The following HSPG2 variants were observed in gnomAD, a reference collection of about 807,000 sequenced individuals.
The protein encoded by HSPG2 is heparan sulfate proteoglycan 2, also known as basement membrane-specific heparan sulfate proteoglycan core protein.
Under a neutral mutation model 526.6 loss-of-function variants are expected in HSPG2, and 278 were observed. The observed-to-expected ratio is 0.53, with a 90% CI of 0.48 to 0.58. The LOEUF (loss-of-function observed/expected upper bound fraction) is 0.58, where lower values mean the gene tolerates loss of function less well. Ranked by LOEUF, HSPG2 falls within the 20% of genes least tolerant of loss-of-function variation. HSPG2 has a pLI of 0.00. For synonymous variants in HSPG2, 2,465 were observed against 2,555.4 expected (o/e 0.96, Z 1.07); for missense variants, 5,354 against 6,099.5 (o/e 0.88, Z 4.07).
In HSPG2 at chr1:21,848,836, G is replaced by C; in HGVS notation, c.7586-42C>G. 1.2e-6 allele frequency: 2 copies of C among 1,613,180 alleles called. No individual in the cohort carries two copies. Among genetic ancestry groups the C allele is most frequent in the African/African-American group, 2.7e-5 (2 of 74,992 alleles). ...TAAGGCAGGGTGTGGGAGCTGCTGA[G>C]GGTGCAGTCGGGGTCCCCCAGCCCT... is the stretch of plus-strand genomic sequence containing the variant. On this transcript the variant is annotated intron_variant, in intron 58 of 96. Coordinates refer to ENST00000374695, the MANE Select transcript of HSPG2 (RefSeq NM_005529.7). This position sits in a 1 kb window ranked among gnomAD's most constrained non-coding sequence, Gnocchi z 4.9.
chr1:21,894,210 T>TGAGCCAGGGAGCCACAGCC (rs1553174672), intron 3 of HSPG2, among the ~76,000 whole-genome samples: 1 of 151,512 alleles, frequency 6.6e-6, no homozygotes, highest in African/African-American at 2.4e-5. Flanking sequence ...GGGCTGGAGC[T>TGAGCCAGGGAGCCACAGCC]GAGCCAGGGA....
In HSPG2 at chr1:21,824,078, A is replaced by C. The variant is rs752464071; in HGVS notation, c.12899+43T>G. 35 of 1,563,540 alleles carry C rather than the reference A, an allele frequency of 2.2e-5. No homozygotes were observed. Among genetic ancestry groups the C allele is most frequent in the Non-Finnish European group, 3.1e-5 (35 of 1,141,518 alleles). ...GGTAGGGGGCGTCCTGCCCCACTCC[A>C]GAACGCTGGGCCCCATCCCGAGTGC... is the stretch of plus-strand genomic sequence containing the variant. On this transcript the variant is annotated intron_variant, in intron 95 of 96. Coordinates refer to ENST00000374695, the MANE Select transcript of HSPG2 (RefSeq NM_005529.7). The surrounding 1 kb of genome is among the most constrained non-coding windows in gnomAD (Gnocchi z 5.9).
intron 1 of HSPG2, chr1:21,908,428 G>A (rs1387671317): frequency 1.1e-6 from 1 of 870,416 alleles, no homozygotes; most frequent in Non-Finnish European, 1.9e-6. Context: ...ACGCGTGAAG[G>A]AGAATGATCA....
Position 21,859,070 on chromosome 1 carries a change from CAG to C in HSPG2, c.5293+494_5293+495del, listed in dbSNP as rs1639565723. Among the ~76,000 whole-genome samples, 1 of 151,994 alleles carries C rather than the reference CAG, an allele frequency of 6.6e-6. No homozygotes were observed. On this transcript the variant is annotated intron_variant, in intron 42 of 96. Transcript: ENST00000374695. This position sits in a 1 kb window ranked among gnomAD's most constrained non-coding sequence, Gnocchi z 5.3. ...CATTATTATTATTATTTTTTTAAGACAGAGTCTTGCTCTGTTGCCCAGGCTGG... is the reference window on the plus strand; with the variant it reads ...CATTATTATTATTATTTTTTTAAGACAGTCTTGCTCTGTTGCCCAGGCTGG...
intron 1 of HSPG2, among the ~76,000 whole-genome samples, chr1:21,927,839 G>A (rs1644246411): frequency 1.3e-5 from 2 of 152,238 alleles, no homozygotes; most frequent in African/African-American, 4.8e-5. Flanking sequence ...GACTGCGAAA[G>A]AGGCCCAGGG....
chr1:21,854,725 T>A lies in HSPG2; in HGVS notation c.6174A>T (p.Ser2058=), dbSNP rs753974501. ...TTTGCCCTTCTGTCACAGAAGGCGA[T>A]GAGGACTCAATCTTGACCGGCGGTG... The part of the protein sequence containing the change: ...ASPPPVKIES[S]SPSVTEGQTL... Residue 2058 remains serine (S), a synonymous_variant, in exon 49 of 97, where the codon TCA becomes TCT. Transcript: ENST00000374695. 6.2e-7 allele frequency: 1 copy of A among 1,613,516 alleles called. No individual in the cohort carries two copies. Among genetic ancestry groups the A allele is most frequent in the Non-Finnish European group, 8.5e-7 (1 of 1,179,854 alleles).
rs1643145864 is a variant in HSPG2 at position 21,902,309 on chromosome 1, G to A, written c.64-5999C>T. Among the ~76,000 whole-genome samples the A allele has an allele frequency of 2.0e-5, 3 of 152,270 alleles. No homozygotes were observed. The South Asian group carries it at 6.2e-4, about 32-fold the overall frequency. On this transcript the variant is annotated intron_variant, in intron 1 of 96. Transcript: ENST00000374695. ...AGCTTCTCACACAGGGGCCCCCAAG[G>A]TGGCAGGAACTTCACCAGCCAGTCA...
Position 21,871,834 on chromosome 1 carries a change from C to T in HSPG2, c.4221+352G>A, listed in dbSNP as rs12567127. Among the ~76,000 whole-genome samples, 4 of 152,314 alleles carry T rather than the reference C, an allele frequency of 2.6e-5. No homozygotes were observed. In the East Asian group the frequency reaches 5.8e-4, roughly 22 times the overall value. On this transcript the variant is annotated intron_variant, in intron 33 of 96. Coordinates refer to ENST00000374695, the MANE Select transcript of HSPG2 (RefSeq NM_005529.7). ...TGGATGAGTGAAGTCGGAGCGGGCA[C>T]GTGAATGACACTGAAACTGTGTCTC...
At position 21,887,891 on chromosome 1, in the gene HSPG2, C is replaced by T. The variant is rs1015067907; in HGVS notation, c.703+47G>A. ...CCAAGACCCAGGTGTAGGACCCTGGCCCTCCCCTGGCACCCAAACCACTCG... is the reference window on the plus strand; with the variant it reads ...CCAAGACCCAGGTGTAGGACCCTGGTCCTCCCCTGGCACCCAAACCACTCG... On this transcript the variant is annotated intron_variant, in intron 7 of 96. Transcript: ENST00000374695. The surrounding 1 kb of genome is among the most constrained non-coding windows in gnomAD (Gnocchi z 5.0). The T allele has an allele frequency of 6.2e-7, 1 of 1,613,236 alleles. No individual in the cohort carries two copies. Among genetic ancestry groups the T allele is most frequent in the Admixed American group, 1.7e-5 (1 of 60,002 alleles).
At position 21,887,458 on chromosome 1, in the gene HSPG2, T is replaced by G. The variant is rs1272760299; in HGVS notation, c.920A>C (p.Gln307Pro). Residue 307 changes from glutamine (Q) to proline (P), a missense_variant, in exon 8 of 97, where the codon CAG becomes CCG. Physicochemically the swap from Gln to Pro is moderately conservative, Grantham distance 76 (BLOSUM62 -1). Coordinates refer to ENST00000374695, the MANE Select transcript of HSPG2 (RefSeq NM_005529.7). This position sits in a 1 kb window ranked among gnomAD's most constrained non-coding sequence, Gnocchi z 5.0. The stretch of plus-strand genomic sequence containing the variant: ...ATCGCTGCCGTCCTCGCAGTCCTCC[T>G]GTCCGTCGCAGAGGTAGTCTCTGGG... ...CIPRDYLCDG[Q>P]EDCEDGSDEL... is the part of the protein sequence containing the mutation. 12 of 1,613,932 alleles carry G rather than the reference T, an allele frequency of 7.4e-6. No individual in the cohort carries two copies. Among genetic ancestry groups the G allele is most frequent in the Non-Finnish European group, 1.0e-5 (12 of 1,180,014 alleles).
intron 95 of HSPG2, 137 bp from the exon 96 acceptor site, chr1:21,823,856 C>T (rs759348933): frequency 3.4e-5 from 27 of 788,392 alleles, no homozygotes; most frequent in East Asian, 5.3e-5. Context: ...TTCTTTCCCC[C>T]GCTGAACGAG....
Position 21,851,901 on chromosome 1 carries a change from A to T in HSPG2, c.6896T>A (p.Phe2299Tyr). The change falls in exon 54 of 97, where the codon TTC (phenylalanine) becomes TAC (tyrosine). Residue 2299 changes from phenylalanine (F) to tyrosine (Y), a missense_variant. By Grantham distance (22) the Phe-to-Tyr change is conservative. Coordinates refer to ENST00000374695, the MANE Select transcript of HSPG2 (RefSeq NM_005529.7). ...TCCCGCATCGGCAGGTGAGGCCTGGAAGATGTACAGGCGGGAGCCACGAAC... is the reference window on the plus strand; with the variant it reads ...TCCCGCATCGGCAGGTGAGGCCTGGTAGATGTACAGGCGGGAGCCACGAAC... ...HQVRGSRLYI[F>Y]QASPADAGQY... The T allele has an allele frequency of 6.2e-7, 1 of 1,610,112 alleles. No individual in the cohort carries two copies. Among genetic ancestry groups the T allele is most frequent in the Non-Finnish European group, 8.5e-7 (1 of 1,178,770 alleles).
At position 21,878,966 on chromosome 1, in the gene HSPG2, C is replaced by G. The variant is rs775962936; in HGVS notation, c.2471+28G>C. 3.7e-6 allele frequency: 6 copies of G among 1,604,182 alleles called. No homozygotes were observed. In the Admixed American group the frequency reaches 8.5e-5, roughly 23 times the overall value. On this transcript the variant is annotated intron_variant, in intron 18 of 96. Coordinates refer to ENST00000374695, the MANE Select transcript of HSPG2 (RefSeq NM_005529.7). ...GCCTGTTGCACTGTCCCCAGCCAAA[C>G]CCCCCCTGACCCGGAGCTGGGGCTG...
Position 21,823,660 on chromosome 1 carries a change from G to T in HSPG2, c.12959C>A (p.Pro4320Gln). 1.2e-6 allele frequency: 2 copies of T among 1,613,510 alleles called. No individual in the cohort carries two copies. Among genetic ancestry groups the T allele is most frequent in the Non-Finnish European group, 1.7e-6 (2 of 1,179,830 alleles). The change falls in exon 96 of 97, where the codon CCA (proline) becomes CAA (glutamine). Residue 4320 changes from proline to glutamine, a missense_variant. Coordinates refer to ENST00000374695, the MANE Select transcript of HSPG2 (RefSeq NM_005529.7). ...DGEELVSGRS[P>Q]GPNVAVNAKG... ...GGCGTTGACTGCCACGTTGGGACCT[G>T]GGGACCGGCCGCTGACCAGCTCCTC... is the stretch of plus-strand genomic sequence containing the variant.
Position 21,839,319 on chromosome 1 carries a change from CG to C in HSPG2, c.9889+51del, listed in dbSNP as rs1557691976. 2 of 1,586,562 alleles carry C rather than the reference CG, an allele frequency of 1.3e-6. No homozygotes were observed. Among genetic ancestry groups the C allele is most frequent in the Non-Finnish European group, 1.7e-6 (2 of 1,165,464 alleles). On this transcript the variant is annotated intron_variant, in intron 73 of 96. Coordinates refer to ENST00000374695, the MANE Select transcript of HSPG2 (RefSeq NM_005529.7). The surrounding 1 kb of genome is among the most constrained non-coding windows in gnomAD (Gnocchi z 4.5). ...GGTTCTGTGTGGGGTGGAGCCTAGT[CG>C]GGGGGCTCAGATCTCCATTTGGTGC... is the stretch of plus-strand genomic sequence containing the variant.
chr1:21,840,082 T>A, intron 71 of HSPG2, 65 bp from the exon 72 acceptor site: 3 of 1,355,768 alleles, frequency 2.2e-6, no homozygotes, highest in Non-Finnish European at 3.2e-6. Context: ...CAGCCCCAGC[T>A]CTGGCTTGGT....
chr1:21,830,412 C>T lies in HSPG2; in HGVS notation c.11672-321G>A, dbSNP rs187612881. On this transcript the variant is annotated intron_variant, in intron 85 of 96. Coordinates refer to ENST00000374695, the MANE Select transcript of HSPG2 (RefSeq NM_005529.7). ...TAATAAGATGGGACTGGGGGCCGGG[C>T]GTGGGGGCTCATGCCTGTAATCCCA... The T allele has an allele frequency of 3.7e-3, 1,443 of 388,486 alleles. 16 individuals are homozygous for T. The East Asian group carries it at 0.043, about 11-fold the overall frequency. The allele number at this position is 388,486 out of a possible 1,614,324, so 24.1% of individuals were successfully genotyped here.
Position 21,884,589 on chromosome 1 carries a change from C to T in HSPG2, c.1593G>A (p.Gln531=). The T allele has an allele frequency of 6.2e-7, 1 of 1,610,626 alleles. No homozygotes were observed. Among genetic ancestry groups the T allele is most frequent in the Non-Finnish European group, 8.5e-7 (1 of 1,179,750 alleles). ...TCTGGTCCCGGAAGCGGCGGGTGCTCTGGCACACGCTGGTGATGCCAAAGC... is the reference window on the plus strand; with the variant it reads ...TCTGGTCCCGGAAGCGGCGGGTGCTTTGGCACACGCTGGTGATGCCAAAGC... ...CFCFGITSVC[Q]STRRFRDQIR... The change falls in exon 13 of 97, where the codon CAG becomes CAA. Residue 531 remains glutamine (Q), a synonymous_variant. Coordinates refer to ENST00000374695, the MANE Select transcript of HSPG2 (RefSeq NM_005529.7).
In HSPG2 at chr1:21,824,438, AG is replaced by A; in HGVS notation, c.12745-63del. On this transcript the variant is annotated intron_variant, in intron 93 of 96. Transcript: ENST00000374695. The surrounding 1 kb of genome is among the most constrained non-coding windows in gnomAD (Gnocchi z 5.9). Reference sequence around the variant, plus strand: ...CTGGAGAGCAGAGGCTGCCGAGGCCAGGGGGCTCTGCTTTCCCCTCCCCCCA... The same window carrying A: ...CTGGAGAGCAGAGGCTGCCGAGGCCAGGGGCTCTGCTTTCCCCTCCCCCCA... 2 of 1,600,660 alleles carry A rather than the reference AG, an allele frequency of 1.2e-6. No individual in the cohort carries two copies. The highest frequency in any genetic ancestry group is 1.7e-6 in the Non-Finnish European group (2 of 1,169,436).
Sources: allele counts gnomAD v4.1 joint callset (sites outside exome capture counted in the v4.1 genomes callset), GRCh38; gene constraint gnomAD v4.1.1; non-coding constraint Gnocchi (gnomAD v3.1); transcripts MANE v1.5; gene names NCBI Gene and HGNC (gene_info 2026-07-23, HGNC 2026-07-21).